NCSTN: variants seen among roughly 807,000 people sequenced by gnomAD.
The protein encoded by NCSTN is anterior pharynx-defective 2.
Under a neutral mutation model 87.0 loss-of-function variants are expected in NCSTN, and 22 were observed. The observed-to-expected ratio is 0.25, with a 90% CI of 0.18 to 0.36. NCSTN has a LOEUF of 0.36. Among genes scored for constraint, NCSTN ranks in the 10% least tolerant of loss-of-function variants. The pLI, the probability that NCSTN is intolerant of heterozygous loss-of-function variation, is 1.00. For synonymous variants in NCSTN, 306 were observed against 327.1 expected (o/e 0.94, Z 0.69); for missense variants, 693 against 883.3 (o/e 0.78, Z 2.73).
At position 160,355,946 on chromosome 1, in the gene NCSTN, T is replaced by C. The variant is rs776293083; in HGVS notation, c.1539T>C (p.Ala513=). ...GGTNFSDTVQ[A]DPQTVTRLLY... is the part of the protein sequence containing the mutation. ...CCAACTTCAGCGACACAGTTCAGGC[T>C]GATCCCCAAACGGTAAGCAGATGGG... The change falls in exon 13 of 17, where the codon GCT becomes GCC. Residue 513 remains alanine (A), a synonymous_variant. Transcript: ENST00000294785. 3 of 1,613,552 alleles carry C rather than the reference T, an allele frequency of 1.9e-6. No individual in the cohort carries two copies. In the South Asian group the frequency reaches 3.3e-5, roughly 18 times the overall value.
At chr1:160,353,654 C>T (rs1648988356) in intron 10 of NCSTN, 4 of 985,238 alleles carry the variant, frequency 4.1e-6, no homozygotes, top group Non-Finnish European at 3.6e-6. Flanking sequence ...TCTAGGTCCA[C>T]CTTTAGGCCT....
At chr1:160,351,502 C>T (rs1236343900) in intron 6 of NCSTN, 130 bp downstream of exon 6, 9 of 1,348,266 alleles carry the variant, frequency 6.7e-6, no homozygotes, top group Non-Finnish European at 9.4e-6. Context: ...CATGGGAGAA[C>T]TAGAAACAAT....
At chr1:160,353,801 A>G in intron 10 of NCSTN, 5 of 820,870 alleles carry the variant, frequency 6.1e-6, no homozygotes, top group Non-Finnish European at 7.4e-6. Flanking sequence ...TGCTCCCTTC[A>G]ATTCTGCACA....
In NCSTN at chr1:160,358,403, G is replaced by A; in HGVS notation, c.*132G>A. On this transcript the variant is annotated 3_prime_UTR_variant, in exon 17 of 17. Coordinates refer to ENST00000294785, the MANE Select transcript of NCSTN (RefSeq NM_015331.3). ...CAGATTGGGATTAACATAAAAGAGT[G>A]GAACTATCCAAAAGAGACAGGGAGA... 1.7e-6 allele frequency: 2 copies of A among 1,211,264 alleles called. No homozygotes were observed. Among genetic ancestry groups the A allele is most frequent in the Non-Finnish European group, 2.4e-6 (2 of 835,186 alleles). 75.0% of individuals were successfully genotyped at this position (1,211,264 alleles called of 1,614,324 possible).
At chr1:160,352,601 G>A (rs1205706582) in intron 8 of NCSTN, among the ~76,000 whole-genome samples, 1 of 152,214 alleles carries the variant, frequency 6.6e-6, no homozygotes, top group Non-Finnish European at 1.5e-5. Context: ...GGAGGTGGGG[G>A]ACCGTTAAGA....
At chr1:160,343,873 G>C (rs757639657) in intron 1 of NCSTN, 12 of 449,464 alleles carry the variant, frequency 2.7e-5, no homozygotes, top group Non-Finnish European at 5.0e-5. Context: ...TGTGGGTGCT[G>C]TGCGGCGCTT....
At chr1:160,355,489 C>T (rs1649080348) in intron 11 of NCSTN, among the ~76,000 whole-genome samples, 166 bp from the exon 12 acceptor site, 3 of 152,204 alleles carry the variant, frequency 2.0e-5, no homozygotes, top group Admixed American at 2.0e-4. Flanking sequence ...ACTCCTACCT[C>T]CCTGTTCTCC....
chr1:160,353,163 G>A lies in NCSTN; in HGVS notation c.1105G>A (p.Ala369Thr). Residue 369 changes from alanine to threonine, a missense_variant, in exon 10 of 17, where the codon GCC becomes ACC. Transcript: ENST00000294785. Reference sequence around the variant, plus strand: ...TGTTTCTTCATCCTCCCCCCAGGTGGCCTTAAGAACTTCATTAGAGCTTTG... The same window carrying A: ...TGTTTCTTCATCCTCCCCCCAGGTGACCTTAAGAACTTCATTAGAGCTTTG... Reference protein sequence around the residue: ...VDSFVELGQVALRTSLELWMH... With the variant: ...VDSFVELGQVTLRTSLELWMH... 1 of 1,614,106 alleles carries A rather than the reference G, an allele frequency of 6.2e-7. No homozygotes were observed. Among genetic ancestry groups the A allele is most frequent in the African/African-American group, 1.3e-5 (1 of 75,022 alleles).
intron 2 of NCSTN, 85 bp from the exon 3 acceptor site, chr1:160,348,914 G>A: frequency 6.4e-7 from 1 of 1,572,726 alleles, no homozygotes; most frequent in Non-Finnish European, 8.7e-7. Context: ...ACATCTTTAG[G>A]GGATAAAAGA....
Position 160,349,134 on chromosome 1 carries a change from A to G in NCSTN, c.314+12A>G. On this transcript the variant is annotated intron_variant, in intron 3 of 16. Coordinates refer to ENST00000294785, the MANE Select transcript of NCSTN (RefSeq NM_015331.3). The stretch of plus-strand genomic sequence containing the variant: ...AAGCATTTTACCAGGTAAGAACTAG[A>G]TGTATCTGCTGGGAAAACATCCATA... 2 of 1,614,052 alleles carry G rather than the reference A, an allele frequency of 1.2e-6. No individual in the cohort carries two copies. The highest frequency in any genetic ancestry group is 2.2e-5 in the East Asian group (1 of 44,880).
In NCSTN at chr1:160,343,478, G is replaced by A. The variant is rs1648227637; in HGVS notation, c.82G>A (p.Ala28Thr). Residue 28 changes from alanine to threonine, a missense_variant, in exon 1 of 17, where the codon GCA becomes ACA. By Grantham distance (58) the Ala-to-Thr change is moderately conservative (BLOSUM62 0). This residue lies in a region of NCSTN where 235 missense variants were observed against 233.9 expected (regional missense o/e 1.00). Transcript: ENST00000294785. Reference sequence around the variant, plus strand: ...CCTTCTGTCTTTCTGCGTCCTACTAGCAGGTGAGGCCTCCCCGCCCGTGAG... The same window carrying A: ...CCTTCTGTCTTTCTGCGTCCTACTAACAGGTGAGGCCTCCCCGCCCGTGAG... Reference protein sequence around the residue: ...LRLLSFCVLLAGLCRGNSVER... With the variant: ...LRLLSFCVLLTGLCRGNSVER... 2 of 1,607,492 alleles carry A rather than the reference G, an allele frequency of 1.2e-6. No homozygotes were observed. Among genetic ancestry groups the A allele is most frequent in the Middle Eastern group, 1.7e-4 (1 of 6,014 alleles).
chr1:160,353,811 A>T, intron 10 of NCSTN: 3 of 782,592 alleles, frequency 3.8e-6, no homozygotes, highest in Non-Finnish European at 4.7e-6. Flanking sequence ...AATTCTGCAC[A>T]ATAAATAATA....
At chr1:160,346,725 C>G (rs1648512221) in intron 2 of NCSTN, among the ~76,000 whole-genome samples, 3 of 152,152 alleles carry the variant, frequency 2.0e-5, no homozygotes, top group Non-Finnish European at 4.4e-5. Flanking sequence ...CCTGTCTCAG[C>G]TTCTTGAATA....
At chr1:160,351,477 C>T in intron 6 of NCSTN, 105 bp downstream of exon 6, 1 of 1,409,136 alleles carries the variant, frequency 7.1e-7, no homozygotes, top group Non-Finnish European at 9.9e-7. Context: ...GAGTAGACAC[C>T]ATGAAGGAGC....
intron 6 of NCSTN, 83 bp downstream of exon 6, chr1:160,351,455 G>A (rs1648834735): frequency 3.3e-6 from 5 of 1,506,236 alleles, no homozygotes; most frequent in Non-Finnish European, 4.6e-6. Flanking sequence ...TAGAGAGACT[G>A]TAATAGGGAA....
At position 160,343,431 on chromosome 1, in the gene NCSTN, C is replaced by G. The variant is rs773818422; in HGVS notation, c.35C>G (p.Pro12Arg). The G allele has an allele frequency of 1.2e-6, 2 of 1,612,450 alleles. No homozygotes were observed. The highest frequency in any genetic ancestry group is 2.2e-5 in the East Asian group (1 of 44,846). ...GCAGGGGGTGGCTCTGGGGCTGACC[C>G]GGGAAGTCGGGGTCTCCTTCGCCTT... is the stretch of plus-strand genomic sequence containing the variant. ...ATAGGGSGADPGSRGLLRLLS... is the reference protein window; with the variant it reads ...ATAGGGSGADRGSRGLLRLLS... The change falls in exon 1 of 17, where the codon CCG becomes CGG. Residue 12 changes from proline to arginine, a missense_variant. Transcript: ENST00000294785.
intron 15 of NCSTN, 63 bp from the exon 16 acceptor site, chr1:160,356,978 G>C: frequency 1.3e-6 from 2 of 1,489,186 alleles, no homozygotes; most frequent in Middle Eastern, 2.2e-4. Flanking sequence ...CTGATAGAGG[G>C]TAGAGGGAAC....
At chr1:160,348,951 G>A (rs779357791) in intron 2 of NCSTN, 48 bp from the exon 3 acceptor site, 1 of 1,613,712 alleles carries the variant, frequency 6.2e-7, no homozygotes, top group East Asian at 2.2e-5. Flanking sequence ...GGCAAAGTCA[G>A]AATTGTTAAC....
At chr1:160,347,455 G>A (rs926624515) in intron 2 of NCSTN, among the ~76,000 whole-genome samples, 2 of 152,122 alleles carry the variant, frequency 1.3e-5, no homozygotes, top group Admixed American at 1.3e-4. Context: ...CACAGTATGA[G>A]ATGAATAGAG....
Sources: allele counts gnomAD v4.1 joint callset (sites outside exome capture counted in the v4.1 genomes callset), GRCh38; gene constraint gnomAD v4.1.1; regional missense constraint gnomAD v4.1.1; transcripts MANE v1.5; gene names NCBI Gene and HGNC (gene_info 2026-07-23, HGNC 2026-07-21).